CYP26A1: variants seen among roughly 807,000 people sequenced by gnomAD.
CYP26A1 encodes cytochrome P450 family 26 subfamily A member 1, also known as cytochrome P450 26A1.
Under a neutral mutation model 47.4 loss-of-function variants are expected in CYP26A1, and 46 were observed. That is an observed-to-expected ratio of 0.97 (90% CI 0.77 to 1.24). The LOEUF is 1.24. CYP26A1 is among the 50% of genes most tolerant of loss of function. The probability of loss-of-function intolerance (pLI) is 0.00; values close to 1 mark genes in which losing one functional copy is unlikely to be tolerated. For missense variants in CYP26A1, 680 were observed against 644.4 expected (o/e 1.06, Z -0.60); for synonymous variants, 277 against 263.7 (o/e 1.05, Z -0.49).
chr10:93,074,170 C>T lies in CYP26A1; in HGVS notation c.189+47C>T. On this transcript the variant is annotated intron_variant, in intron 1 of 6. Coordinates refer to ENST00000224356, the MANE Select transcript of CYP26A1 (RefSeq NM_000783.4). The surrounding 1 kb of genome is among the most constrained non-coding windows in gnomAD (Gnocchi z 5.3). ...CAGGCTGCTTCCCCGGAGCCCGGCG[C>T]GGCTCTGGGCTTCTGCTGAAGTCGG... 1.3e-6 allele frequency: 2 copies of T among 1,520,070 alleles called. No homozygotes were observed. Among genetic ancestry groups the T allele is most frequent in the Non-Finnish European group, 1.8e-6 (2 of 1,131,674 alleles). 94.2% of individuals were successfully genotyped at this position (1,520,070 alleles called of 1,614,324 possible). A position where few individuals can be genotyped will look rare whatever the true frequency, so the allele number is the denominator to read the frequency against.
At chr10:93,076,100 C>A in intron 5 of CYP26A1, 140 bp downstream of exon 5, 1 of 642,384 alleles carries the variant, frequency 1.6e-6, no homozygotes. Context: ...GGCCAGTGGG[C>A]AGAATTAGCT....
intron 6 of CYP26A1, 117 bp downstream of exon 6, chr10:93,076,813 T>C (rs558963052): frequency 2.1e-6 from 2 of 951,714 alleles, no homozygotes; most frequent in Non-Finnish European, 3.2e-6. Context: ...TATATGGAGA[T>C]ATGTTTCAGC....
chr10:93,074,928 C>A lies in CYP26A1; in HGVS notation c.564C>A (p.Ile188=), dbSNP rs372113028. 73 of 1,613,188 alleles carry A rather than the reference C, an allele frequency of 4.5e-5. No individual in the cohort carries two copies. Among genetic ancestry groups the A allele is most frequent in the Non-Finnish European group, 6.1e-5 (72 of 1,180,044 alleles). ...AGGTGAAGCGCCTCATGTTCCGAAT[C>A]GCCATGCGCATCCTACTGGGCTGCG... The part of the protein sequence containing the change: ...YPEVKRLMFR[I]AMRILLGCEP... The change falls in exon 3 of 7, where the codon ATC becomes ATA. Residue 188 remains isoleucine (I), a synonymous_variant. Coordinates refer to ENST00000224356, the MANE Select transcript of CYP26A1 (RefSeq NM_000783.4). This position sits in a 1 kb window ranked among gnomAD's most constrained non-coding sequence, Gnocchi z 5.3.
Position 93,075,852 on chromosome 10 carries a change from C to T in CYP26A1, c.891C>T (p.Leu297=), listed in dbSNP as rs565440327. Residue 297 remains leucine, a synonymous_variant, in exon 5 of 7, where the codon CTC becomes CTT. Transcript: ENST00000224356. Reference sequence around the variant, plus strand: ...CACTAAAGCAATCTTCAACCGAACTCCTCTTTGGAGGACACGAAACCACGG... The same window carrying T: ...CACTAAAGCAATCTTCAACCGAACTTCTCTTTGGAGGACACGAAACCACGG... ...MQALKQSSTE[L]LFGGHETTAS... is the part of the protein sequence containing the mutation. 1.9e-6 allele frequency: 3 copies of T among 1,612,128 alleles called. No individual in the cohort carries two copies. The South Asian group carries it at 3.3e-5, about 18-fold the overall frequency.
intron 4 of CYP26A1, 139 bp downstream of exon 4, chr10:93,075,446 C>A (rs779823651): frequency 5.9e-5 from 46 of 777,308 alleles, no homozygotes; most frequent in Non-Finnish European, 9.1e-5. Flanking sequence ...GCTATGGAAT[C>A]CCGAAGGAAG....
Position 93,074,936 on chromosome 10 carries a change from G to A in CYP26A1, c.572G>A (p.Arg191His). 6.2e-7 allele frequency: 1 copy of A among 1,613,250 alleles called. No individual in the cohort carries two copies. The highest frequency in any genetic ancestry group is 8.5e-7 in the Non-Finnish European group (1 of 1,180,022). ...VKRLMFRIAMRILLGCEPQLA... is the reference protein window; with the variant it reads ...VKRLMFRIAMHILLGCEPQLA... ...CGCCTCATGTTCCGAATCGCCATGC[G>A]CATCCTACTGGGCTGCGAACCCCAA... Residue 191 changes from arginine to histidine, a missense_variant, in exon 3 of 7, where the codon CGC becomes CAC. Physicochemically the swap from Arg to His is conservative, Grantham distance 29. Coordinates refer to ENST00000224356, the MANE Select transcript of CYP26A1 (RefSeq NM_000783.4). This position sits in a 1 kb window ranked among gnomAD's most constrained non-coding sequence, Gnocchi z 5.3.
At chr10:93,075,564 A>G (rs1846967259) in intron 4 of CYP26A1, 2 of 591,322 alleles carry the variant, frequency 3.4e-6, no homozygotes, top group African/African-American at 1.9e-5. Context: ...CAAAAATGTT[A>G]ATAAAGAACC....
At position 93,074,122 on chromosome 10, in the gene CYP26A1, A is replaced by C; in HGVS notation, c.188A>C (p.Gln63Pro). ...GGGGAAACCTTGCAGATGGTACTGC[A>C]GGTAAGGGAGGGTGGGGCGGGACAG... ...FFGETLQMVLQRRKFLQMKRR... is the reference protein window; with the variant it reads ...FFGETLQMVLPRRKFLQMKRR... The change falls in exon 1 of 7, where the codon CAG (glutamine) becomes CCG (proline). Residue 63 changes from glutamine (Q) to proline (P), a missense_variant and splice_region_variant. Coordinates refer to ENST00000224356, the MANE Select transcript of CYP26A1 (RefSeq NM_000783.4). The surrounding 1 kb of genome is among the most constrained non-coding windows in gnomAD (Gnocchi z 5.3). 1 of 544,104 alleles carries C rather than the reference A, an allele frequency of 1.8e-6. No homozygotes were observed. The highest frequency in any genetic ancestry group is 3.3e-6 in the Non-Finnish European group (1 of 306,136). 33.7% of individuals were successfully genotyped at this position (544,104 alleles called of 1,614,324 possible).
chr10:93,077,176 AC>A lies in CYP26A1; in HGVS notation c.1367del (p.Thr456LysfsTer13), dbSNP rs1564958377. On this transcript the variant is annotated frameshift_variant, in exon 7 of 7. Coordinates refer to ENST00000224356, the MANE Select transcript of CYP26A1 (RefSeq NM_000783.4). LOFTEE classifies it high-confidence loss of function. The part of the protein sequence containing the change: ...EFAKILLKIF[T>X]VELARHCDWQ... ...TGCAAAAATTCTTCTCAAAATATTTACAGTGGAGCTGGCCAGGCATTGTGAC... is the reference window on the plus strand; with the variant it reads ...TGCAAAAATTCTTCTCAAAATATTTAAGTGGAGCTGGCCAGGCATTGTGAC... 1 of 1,613,624 alleles carries A rather than the reference AC, an allele frequency of 6.2e-7. No homozygotes were observed. Among genetic ancestry groups the A allele is most frequent in the Non-Finnish European group, 8.5e-7 (1 of 1,179,532 alleles).
chr10:93,074,092 T>C lies in CYP26A1; in HGVS notation c.158T>C (p.Phe53Ser). 6.4e-7 allele frequency: 1 copy of C among 1,551,770 alleles called. No homozygotes were observed. The highest frequency in any genetic ancestry group is 8.8e-7 in the Non-Finnish European group (1 of 1,138,966). ...CCCCCCGGGACTATGGGCTTCCCCT[T>C]CTTTGGGGAAACCTTGCAGATGGTA... ...PLPPGTMGFPFFGETLQMVLQ... is the reference protein window; with the variant it reads ...PLPPGTMGFPSFGETLQMVLQ... The change falls in exon 1 of 7, where the codon TTC becomes TCC. Residue 53 changes from phenylalanine to serine, a missense_variant. Phe to Ser is a radical substitution (Grantham distance 155). Coordinates refer to ENST00000224356, the MANE Select transcript of CYP26A1 (RefSeq NM_000783.4). The surrounding 1 kb of genome is among the most constrained non-coding windows in gnomAD (Gnocchi z 5.3).
rs1846941234 is a variant in CYP26A1, at chr10:93,074,434, C to G, written c.316C>G (p.Arg106Gly). The G allele has an allele frequency of 1.9e-6, 3 of 1,610,276 alleles. No individual in the cohort carries two copies. Among genetic ancestry groups the G allele is most frequent in the Non-Finnish European group, 2.5e-6 (3 of 1,177,342 alleles). ...NVRRILLGEH[R>G]LVSVHWPASV... ...GCGGCGCATCTTGCTCGGAGAGCAC[C>G]GGCTGGTGTCGGTCCACTGGCCAGC... The change falls in exon 2 of 7, where the codon CGG (arginine) becomes GGG (glycine). Residue 106 changes from arginine to glycine, a missense_variant. Physicochemically the swap from Arg to Gly is moderately radical, Grantham distance 125 (BLOSUM62 -2). Transcript: ENST00000224356. This position sits in a 1 kb window ranked among gnomAD's most constrained non-coding sequence, Gnocchi z 5.3.
At position 93,077,268 on chromosome 10, in the gene CYP26A1, C is replaced by G. The variant is rs755058456; in HGVS notation, c.1458C>G (p.Leu486=). The G allele has an allele frequency of 4.5e-6, 7 of 1,557,742 alleles. No individual in the cohort carries two copies. The Admixed American group carries it at 5.7e-5, about 13-fold the overall frequency. Reference sequence around the variant, plus strand: ...CCACCGTGTATCCTGTGGACAATCTCCCTGCAAGATTCACCCATTTCCATG... The same window carrying G: ...CCACCGTGTATCCTGTGGACAATCTGCCTGCAAGATTCACCCATTTCCATG... ...TSPTVYPVDN[L]PARFTHFHGE... Residue 486 remains leucine, a synonymous_variant, in exon 7 of 7, where the codon CTC becomes CTG. Coordinates refer to ENST00000224356, the MANE Select transcript of CYP26A1 (RefSeq NM_000783.4).
chr10:93,076,637 C>A lies in CYP26A1; in HGVS notation c.1093C>A (p.Arg365=), dbSNP rs749743435. ...YIGCVIKETL[R]LNPPVPGGFR... ...CGGGTGTGTTATTAAGGAGACCCTT[C>A]GACTGAATCCCCCAGTTCCAGGAGG... Residue 365 remains arginine (R), a synonymous_variant, in exon 6 of 7, where the codon CGA becomes AGA. Transcript: ENST00000224356. The A allele has an allele frequency of 6.2e-7, 1 of 1,609,960 alleles. No homozygotes were observed.
In CYP26A1 at chr10:93,075,162, G is replaced by A; in HGVS notation, c.719G>A (p.Arg240Gln). The A allele has an allele frequency of 1.2e-6, 2 of 1,613,542 alleles. No homozygotes were observed. Among genetic ancestry groups the A allele is most frequent in the South Asian group, 2.2e-5 (2 of 91,070 alleles). ...CTCTGCGCTCAGGGCATGAAGGCGCGGAACCTCATTCACGCGCGCATCGAG... is the reference window on the plus strand; with the variant it reads ...CTCTGCGCTCAGGGCATGAAGGCGCAGAACCTCATTCACGCGCGCATCGAG... Reference protein sequence around the residue: ...FSGLYRGMKARNLIHARIEQN... With the variant: ...FSGLYRGMKAQNLIHARIEQN... The change falls in exon 4 of 7, where the codon CGG becomes CAG. Residue 240 changes from arginine (R) to glutamine (Q), a missense_variant. By Grantham distance (43) the Arg-to-Gln change is conservative. Coordinates refer to ENST00000224356, the MANE Select transcript of CYP26A1 (RefSeq NM_000783.4).
chr10:93,075,823 T>C lies in CYP26A1; in HGVS notation c.865-3T>C. ...GAGAATGTGGGTCTCACTCTATTCT[T>C]AGGCACTAAAGCAATCTTCAACCGA... is the stretch of plus-strand genomic sequence containing the variant. On this transcript the variant is annotated splice_region_variant and splice_polypyrimidine_tract_variant and intron_variant, in intron 4 of 6. Coordinates refer to ENST00000224356, the MANE Select transcript of CYP26A1 (RefSeq NM_000783.4). 1.9e-6 allele frequency: 3 copies of C among 1,610,784 alleles called. No individual in the cohort carries two copies. Among genetic ancestry groups the C allele is most frequent in the Non-Finnish European group, 2.5e-6 (3 of 1,176,934 alleles).
Position 93,074,242 on chromosome 10 carries a change from G to A in CYP26A1, c.190-66G>A. 6.6e-7 allele frequency: 1 copy of A among 1,520,632 alleles called. No individual in the cohort carries two copies. 94.2% of individuals were successfully genotyped at this position (1,520,632 alleles called of 1,614,324 possible). On this transcript the variant is annotated intron_variant, in intron 1 of 6. Transcript: ENST00000224356. This position sits in a 1 kb window ranked among gnomAD's most constrained non-coding sequence, Gnocchi z 5.3. ...TGCTATTGCGGCTAGGAGCAGGGCT[G>A]GCGGGAGCGCGGCGCTCCCCGGCGC...
At position 93,077,221 on chromosome 10, in the gene CYP26A1, C is replaced by T; in HGVS notation, c.1411C>T (p.Pro471Ser). The change falls in exon 7 of 7, where the codon CCT becomes TCT. Residue 471 changes from proline (P) to serine (S), a missense_variant. Coordinates refer to ENST00000224356, the MANE Select transcript of CYP26A1 (RefSeq NM_000783.4). ...TTGTGACTGGCAGCTTCTAAATGGA[C>T]CTCCTACAATGAAAACCAGTCCCAC... ...RHCDWQLLNGPPTMKTSPTVY... is the reference protein window; with the variant it reads ...RHCDWQLLNGSPTMKTSPTVY... 1.2e-6 allele frequency: 2 copies of T among 1,607,858 alleles called. No individual in the cohort carries two copies. The highest frequency in any genetic ancestry group is 1.1e-5 in the South Asian group (1 of 90,714).
At position 93,074,699 on chromosome 10, in the gene CYP26A1, T is replaced by C; in HGVS notation, c.415-80T>C. The C allele has an allele frequency of 7.9e-7, 1 of 1,269,576 alleles. No homozygotes were observed. 78.6% of individuals were successfully genotyped at this position (1,269,576 alleles called of 1,614,324 possible). ...GAGAGTGCCATGTGTCTGGCAGGAC[T>C]GGGGGTGTCTGGAAGGGGACGGCGG... On this transcript the variant is annotated intron_variant, in intron 2 of 6. Coordinates refer to ENST00000224356, the MANE Select transcript of CYP26A1 (RefSeq NM_000783.4). The surrounding 1 kb of genome is among the most constrained non-coding windows in gnomAD (Gnocchi z 5.3).
Position 93,074,500 on chromosome 10 carries a change from C to T in CYP26A1, c.382C>T (p.Leu128=). ...TCTGGGATCTGGCTGCCTCTCTAAC[C>T]TGCACGACTCCTCGCACAAGCAGCG... ...TILGSGCLSN[L]HDSSHKQRKK... The change falls in exon 2 of 7, where the codon CTG becomes TTG. Residue 128 remains leucine (L), a synonymous_variant. Transcript: ENST00000224356. The surrounding 1 kb of genome is among the most constrained non-coding windows in gnomAD (Gnocchi z 5.3). 1.2e-6 allele frequency: 2 copies of T among 1,609,084 alleles called. No individual in the cohort carries two copies. Among genetic ancestry groups the T allele is most frequent in the Non-Finnish European group, 1.7e-6 (2 of 1,176,114 alleles).
Sources: gnomAD v4.1 joint callset for allele counts on GRCh38, gnomAD v4.1.1 for gene constraint, Gnocchi (gnomAD v3.1) non-coding constraint, MANE v1.5 for transcripts, NCBI Gene and HGNC (gene_info 2026-07-23, HGNC 2026-07-21) for gene names.